Variants in IGDCC4 observed in about 807,000 individuals in gnomAD.
The protein encoded by IGDCC4 is likely ortholog of mouse neighbor of Punc E11.
Under a neutral mutation model 116.6 loss-of-function variants are expected in IGDCC4, and 72 were observed. The ratio of observed to expected loss-of-function variants is 0.62; its 90% CI spans 0.51 to 0.75. The LOEUF (loss-of-function observed/expected upper bound fraction) is 0.75. Among genes scored for constraint, IGDCC4 ranks in the 30% least tolerant of loss-of-function variants. The probability of loss-of-function intolerance (pLI) is 0.00; values close to 1 mark genes in which losing one functional copy is unlikely to be tolerated. For synonymous variants in IGDCC4, 709 were observed against 719.9 expected (o/e 0.98, Z 0.24); for missense variants, 1,501 against 1,662.4 (o/e 0.90, Z 1.69).
intron 3 of IGDCC4, among the ~76,000 whole-genome samples, chr15:65,404,199 TA>T (rs1236403984): frequency 6.6e-6 from 1 of 152,056 alleles, no homozygotes; most frequent in Non-Finnish European, 1.5e-5. Context: ...CCCAAAGACT[TA>T]AAGGACTTAG....
chr15:65,393,556 G>A lies in IGDCC4; in HGVS notation c.1715-25C>T. The A allele has an allele frequency of 1.9e-6, 3 of 1,569,772 alleles. No individual in the cohort carries two copies. Among genetic ancestry groups the A allele is most frequent in the Non-Finnish European group, 2.6e-6 (3 of 1,152,620 alleles). ...TCTGCAGGGACAGAAAAGGTGGGCT[G>A]CTGGGTAGCCACCTGAGGAACAGGA... On this transcript the variant is annotated intron_variant, in intron 9 of 19. Coordinates refer to ENST00000352385, the MANE Select transcript of IGDCC4 (RefSeq NM_020962.3). This position sits in a 1 kb window ranked among gnomAD's most constrained non-coding sequence, Gnocchi z 4.6.
intron 3 of IGDCC4, among the ~76,000 whole-genome samples, chr15:65,406,179 G>T (rs1346519316): frequency 6.6e-6 from 1 of 152,222 alleles, no homozygotes; most frequent in Non-Finnish European, 1.5e-5. Flanking sequence ...TATCCTAGAA[G>T]TTACATTATT....
rs1159525275 is a variant in IGDCC4, at chr15:65,394,551, G to A, written c.1577-3C>T. 6.3e-7 allele frequency: 1 copy of A among 1,593,468 alleles called. No homozygotes were observed. The highest frequency in any genetic ancestry group is 8.6e-7 in the Non-Finnish European group (1 of 1,169,550). ...GAGCTGGGGTGCTGCACTGGGGACTGAGACAGAAGAACATCAGCATGAGCT... is the reference window on the plus strand; with the variant it reads ...GAGCTGGGGTGCTGCACTGGGGACTAAGACAGAAGAACATCAGCATGAGCT... On this transcript the variant is annotated splice_region_variant and splice_polypyrimidine_tract_variant and intron_variant, in intron 8 of 19. Coordinates refer to ENST00000352385, the MANE Select transcript of IGDCC4 (RefSeq NM_020962.3).
intron 2 of IGDCC4, 44 bp downstream of exon 2, chr15:65,410,976 G>A (rs751643335): frequency 6.6e-6 from 10 of 1,517,350 alleles, no homozygotes; most frequent in East Asian, 4.6e-5. Context: ...CACACCCCAA[G>A]TCTGGGTTTC....
chr15:65,409,328 G>T (rs1262836293), intron 3 of IGDCC4, among the ~76,000 whole-genome samples: 1 of 152,112 alleles, frequency 6.6e-6, no homozygotes, highest in Admixed American at 6.5e-5. Context: ...AGAGCCCAAG[G>T]AGCCCCACCT....
chr15:65,402,130 C>T (rs2062993212), intron 4 of IGDCC4, among the ~76,000 whole-genome samples: 1 of 152,226 alleles, frequency 6.6e-6, no homozygotes, highest in Non-Finnish European at 1.5e-5. Context: ...AGAGAGGAGC[C>T]CTGCCCTTGG....
intron 1 of IGDCC4, among the ~76,000 whole-genome samples, chr15:65,413,782 C>T (rs79133051): frequency 6.6e-6 from 1 of 152,224 alleles, no homozygotes. Context: ...TCTGGGCTGA[C>T]AGAGCCACGT....
At chr15:65,408,327 T>C (rs2063059152) in intron 3 of IGDCC4, among the ~76,000 whole-genome samples, 1 of 152,142 alleles carries the variant, frequency 6.6e-6, no homozygotes, top group African/African-American at 2.4e-5. Context: ...CGCGTGGTTC[T>C]CTCCTGCCTA....
intron 3 of IGDCC4, among the ~76,000 whole-genome samples, chr15:65,405,309 G>GGTT (rs71834209): frequency 7.0e-6 from 1 of 142,460 alleles, no homozygotes; most frequent in African/African-American, 2.6e-5. Context: ...TGTTAAGTGG[G>GGTT]TTTTTTTTTT....
chr15:65,388,816 G>C lies in IGDCC4; in HGVS notation c.2699C>G (p.Thr900Ser). The C allele has an allele frequency of 6.2e-7, 1 of 1,614,052 alleles. No individual in the cohort carries two copies. The highest frequency in any genetic ancestry group is 8.5e-7 in the Non-Finnish European group (1 of 1,180,038). The change falls in exon 15 of 20, where the codon ACC becomes AGC. Residue 900 changes from threonine (T) to serine (S), a missense_variant. Transcript: ENST00000352385. ...GGGGCAGGAGCCCTCACCCTGCGTG[G>C]TGAGCAAGGTCCACTGGTGCTCAGG... ...TQPEHQWTLLTTQGNIFSAEV... is the reference protein window; with the variant it reads ...TQPEHQWTLLSTQGNIFSAEV...
rs1231028625 is a variant in IGDCC4, at chr15:65,395,749, C to T, written c.1411+1G>A. The T allele has an allele frequency of 2.1e-6, 3 of 1,443,746 alleles. No individual in the cohort carries two copies. Among genetic ancestry groups the T allele is most frequent in the East Asian group, 5.5e-5 (2 of 36,326 alleles). The allele number at this position is 1,443,746 out of a possible 1,614,324, so 89.4% of individuals were successfully genotyped here. ...GTGCATCCCGCCCCAGGCCGACGTA[C>T]CCCGTGCCTTCTGGTAGTGGAGAGA... On this transcript the variant is annotated splice_donor_variant, in intron 7 of 19. Coordinates refer to ENST00000352385, the MANE Select transcript of IGDCC4 (RefSeq NM_020962.3). LOFTEE classifies it high-confidence loss of function.
intron 1 of IGDCC4, among the ~76,000 whole-genome samples, chr15:65,418,070 G>A (rs1052422246): frequency 6.6e-6 from 1 of 152,162 alleles, no homozygotes; most frequent in Admixed American, 6.5e-5. Context: ...AAAAAGATAA[G>A]GCATAGAGCC....
At chr15:65,409,873 A>G (rs953328392) in intron 3 of IGDCC4, among the ~76,000 whole-genome samples, 2 of 152,196 alleles carry the variant, frequency 1.3e-5, no homozygotes, top group African/African-American at 2.4e-5. Context: ...GATAAGCCAC[A>G]GCTCCTCTCT....
chr15:65,384,204 C>T lies in IGDCC4; in HGVS notation c.3558G>A (p.Gly1186=). 6.2e-7 allele frequency: 1 copy of T among 1,609,632 alleles called. No homozygotes were observed. Among genetic ancestry groups the T allele is most frequent in the South Asian group, 1.1e-5 (1 of 90,676 alleles). Residue 1186 remains glycine (G), a synonymous_variant, in exon 20 of 20, where the codon GGG becomes GGA. Transcript: ENST00000352385. The surrounding 1 kb of genome is among the most constrained non-coding windows in gnomAD (Gnocchi z 4.9). ...CTGGCCCGGGGGCTGCCAGCTCACA[C>T]CCTCCCAACTCCCTGTCCAGCCAGG... ...GAAWLDRELG[G]CELAAPGPDR... is the part of the protein sequence containing the mutation.
rs1285454286 is a variant in IGDCC4, at chr15:65,393,794, G to A, written c.1715-263C>T. 6.6e-6 allele frequency among the ~76,000 whole-genome samples: 1 copy of A among 152,072 alleles called. No homozygotes were observed. Among genetic ancestry groups the A allele is most frequent in the Non-Finnish European group, 1.5e-5 (1 of 68,002 alleles). Reference sequence around the variant, plus strand: ...TGGCAGGCTTTCCCCACTTCCCCAGGAGCTGTCAATGACCATCCCCTGCCA... The same window carrying A: ...TGGCAGGCTTTCCCCACTTCCCCAGAAGCTGTCAATGACCATCCCCTGCCA... On this transcript the variant is annotated intron_variant, in intron 9 of 19. Transcript: ENST00000352385. This position sits in a 1 kb window ranked among gnomAD's most constrained non-coding sequence, Gnocchi z 4.6.
intron 1 of IGDCC4, among the ~76,000 whole-genome samples, chr15:65,417,342 G>C (rs910838388): frequency 4.6e-5 from 7 of 152,120 alleles, no homozygotes; most frequent in Non-Finnish European, 1.0e-4. Context: ...CCTGAGGGGA[G>C]AGTCTCAGCC....
At chr15:65,398,059 T>C (rs906743974) in intron 5 of IGDCC4, among the ~76,000 whole-genome samples, 3 of 152,246 alleles carry the variant, frequency 2.0e-5, no homozygotes, top group Non-Finnish European at 4.4e-5. Flanking sequence ...GACTTGGAAC[T>C]ATAAATGCGG....
At position 65,384,866 on chromosome 15, in the gene IGDCC4, C is replaced by T. The variant is rs1045713081; in HGVS notation, c.3342+88G>A. 2 of 1,494,416 alleles carry T rather than the reference C, an allele frequency of 1.3e-6. No individual in the cohort carries two copies. Among genetic ancestry groups the T allele is most frequent in the Non-Finnish European group, 1.8e-6 (2 of 1,114,358 alleles). 92.6% of individuals were successfully genotyped at this position (1,494,416 alleles called of 1,614,324 possible). On this transcript the variant is annotated intron_variant, in intron 19 of 19. Coordinates refer to ENST00000352385, the MANE Select transcript of IGDCC4 (RefSeq NM_020962.3). The surrounding 1 kb of genome is among the most constrained non-coding windows in gnomAD (Gnocchi z 4.9). ...TTCTATCCCCAGGAAAGTTACCACC[C>T]AGGGGTCTCCAGAGAACTCATTACT...
intron 1 of IGDCC4, among the ~76,000 whole-genome samples, chr15:65,421,317 G>T (rs2063187824): frequency 6.6e-6 from 1 of 152,202 alleles, no homozygotes; most frequent in African/African-American, 2.4e-5. Flanking sequence ...AATAGCGGAA[G>T]GTGGGGCAGG....
Sources: allele counts gnomAD v4.1 joint callset (sites outside exome capture counted in the v4.1 genomes callset), GRCh38; gene constraint gnomAD v4.1.1; non-coding constraint Gnocchi (gnomAD v3.1); transcripts MANE v1.5; gene names NCBI Gene and HGNC (gene_info 2026-07-23, HGNC 2026-07-21).